Variants in CFAP47 observed in about 807,000 individuals in gnomAD.
CFAP47 encodes cilia and flagella associated protein 47, also known as cilia- and flagella-associated protein 47.
A neutral mutation model predicts 148.1 loss-of-function variants in CFAP47; 29 were observed. The ratio of observed to expected loss-of-function variants is 0.20; its 90% CI spans 0.15 to 0.27. The LOEUF (loss-of-function observed/expected upper bound fraction) is 0.27. Ranked by LOEUF, CFAP47 falls within the 10% of genes least tolerant of loss-of-function variation. CFAP47 has a pLI of 1.00. For missense variants in CFAP47, 1,872 were observed against 1,697.5 expected, an observed-to-expected ratio of 1.10 and a Z score of -1.81; for synonymous variants, 664 against 577.3, an observed-to-expected ratio of 1.15 and a Z score of -2.15.
intron 19 of CFAP47, among the ~76,000 whole-genome samples, chrX:35,997,897 A>G (rs967484982): frequency 4.5e-5 from 5 of 111,721 alleles, no homozygotes; most frequent in Admixed American, 9.5e-5. Flanking sequence ...TTGTGTAGAC[A>G]TACTATAATT....
intron 8 of CFAP47, among the ~76,000 whole-genome samples, chrX:35,960,492 T>G (rs1936315904): frequency 9.2e-6 from 1 of 108,603 alleles, no homozygotes; most frequent in African/African-American, 3.4e-5. Flanking sequence ...TTAAATCCTG[T>G]GATCCAGAAG....
chrX:36,034,942 A>T (rs1414783245), intron 23 of CFAP47, among the ~76,000 whole-genome samples: 1 of 110,728 alleles, frequency 9.0e-6, no homozygotes. Flanking sequence ...ACATAGACAC[A>T]TATACCTATA....
At chrX:36,159,304 T>C in intron 37 of CFAP47, 122 bp from the exon 38 acceptor site, 1 of 289,698 alleles carries the variant, frequency 3.5e-6, no homozygotes, top group South Asian at 2.3e-4. Context: ...TCTTGATAAC[T>C]GCAGCTGAAG....
chrX:36,184,763 C>G (rs1463391967), intron 40 of CFAP47, among the ~76,000 whole-genome samples: 4 of 110,903 alleles, frequency 3.6e-5, no homozygotes, highest in African/African-American at 1.3e-4. Context: ...GTGACGCCCT[C>G]TCTCTATTAA....
intron 21 of CFAP47, among the ~76,000 whole-genome samples, chrX:36,008,388 A>G (rs771681727): frequency 2.7e-5 from 3 of 111,091 alleles, no homozygotes; most frequent in Non-Finnish European, 3.8e-5. Flanking sequence ...AGCATTTCCT[A>G]TGAATCTTGC....
intron 1 of CFAP47, among the ~76,000 whole-genome samples, chrX:35,925,647 G>A (rs1935727001): frequency 8.9e-6 from 1 of 111,855 alleles, no homozygotes; most frequent in African/African-American, 3.2e-5. Flanking sequence ...AACTATAGTT[G>A]CTAACGTTAT....
At chrX:36,037,229 T>C (rs1937348439) in intron 24 of CFAP47, among the ~76,000 whole-genome samples, 1 of 111,889 alleles carries the variant, frequency 8.9e-6, no homozygotes, top group Non-Finnish European at 1.9e-5. Flanking sequence ...ACTGGACTGG[T>C]CCATCTAGAA....
At position 36,180,899 on chromosome X, in the gene CFAP47, G is replaced by A. The variant is rs775487072; in HGVS notation, c.6104+1477G>A. 4.5e-5 allele frequency among the ~76,000 whole-genome samples: 5 copies of A among 111,935 alleles called. No individual in the cohort carries two copies. In the East Asian group the frequency reaches 1.4e-3, roughly 31 times the overall value. ...TACCAAAAGAATAAGAGGATTGCAG[G>A]TATTTTATGTTAATTTCTTTGTAGA... is the stretch of plus-strand genomic sequence containing the variant. On this transcript the variant is annotated intron_variant, in intron 40 of 63. Transcript: ENST00000378653.
chrX:36,133,138 T>C (rs1938979114), intron 33 of CFAP47, among the ~76,000 whole-genome samples: 1 of 111,074 alleles, frequency 9.0e-6, no homozygotes, highest in African/African-American at 3.3e-5. Context: ...TAGTGAGAGA[T>C]CATGAAACTC....
intron 51 of CFAP47, among the ~76,000 whole-genome samples, chrX:36,287,316 GTTTGTACTGAT>G (rs1230135635): frequency 9.0e-6 from 1 of 111,037 alleles, no homozygotes; most frequent in East Asian, 2.8e-4. Context: ...TCCTAATTCA[GTTTGTACTGAT>G]TTCCTATAAG....
intron 42 of CFAP47, among the ~76,000 whole-genome samples, chrX:36,196,062 T>G (rs1373110061): frequency 1.8e-5 from 2 of 111,816 alleles, no homozygotes; most frequent in Non-Finnish European, 3.8e-5. Context: ...GTGTCAAAAT[T>G]TTGTTAAGAA....
chrX:36,323,436 G>T (rs782518167), intron 57 of CFAP47, among the ~76,000 whole-genome samples: 6 of 108,879 alleles, frequency 5.5e-5, no homozygotes, highest in Admixed American at 4.0e-4. Flanking sequence ...ATATACTTTT[G>T]TAAATGTTAT....
intron 31 of CFAP47, among the ~76,000 whole-genome samples, chrX:36,099,500 C>T (rs868581974): frequency 9.5e-6 from 1 of 105,413 alleles, no homozygotes; most frequent in Middle Eastern, 4.7e-3. Context: ...AGAAGAACTT[C>T]GTATCGTGTT....
intron 33 of CFAP47, among the ~76,000 whole-genome samples, chrX:36,108,207 A>G (rs1393258224): frequency 9.0e-6 from 1 of 110,951 alleles, no homozygotes; most frequent in Admixed American, 9.7e-5. Flanking sequence ...TCTTTCCTTC[A>G]TCACATTGAT....
chrX:36,211,595 A>C (rs1940101260), intron 45 of CFAP47: 1 of 264,122 alleles, frequency 3.8e-6, no homozygotes, highest in African/African-American at 3.1e-5. Context: ...ATATTGCTGC[A>C]TATCAAGCTA....
At chrX:36,121,386 C>G (rs1000689108) in intron 33 of CFAP47, among the ~76,000 whole-genome samples, 4 of 110,989 alleles carry the variant, frequency 3.6e-5, no homozygotes, top group African/African-American at 1.3e-4. Context: ...TAAGTAAGTA[C>G]TTACTCCTGC....
chrX:35,952,259 A>T (rs892124534), intron 6 of CFAP47, among the ~76,000 whole-genome samples: 1 of 111,931 alleles, frequency 8.9e-6, no homozygotes, highest in South Asian at 3.7e-4. Context: ...TTGTTTGTGC[A>T]GTCAAGACCT....
chrX:36,221,199 A>C (rs1022816447), intron 45 of CFAP47, among the ~76,000 whole-genome samples: 10 of 111,734 alleles, frequency 8.9e-5, no homozygotes, highest in Non-Finnish European at 1.5e-4. Flanking sequence ...AATAATGATA[A>C]GAATAAATAA....
chrX:36,117,322 A>C (rs1246276357), intron 33 of CFAP47, among the ~76,000 whole-genome samples: 1 of 111,365 alleles, frequency 9.0e-6, no homozygotes, highest in South Asian at 3.7e-4. Context: ...GTTTTAATGA[A>C]CTTCCAAACT....
Sources: gnomAD v4.1 joint callset for allele counts (sites outside exome capture counted in the v4.1 genomes callset) on GRCh38, gnomAD v4.1.1 for gene constraint, MANE v1.5 for transcripts, NCBI Gene and HGNC (gene_info 2026-07-23, HGNC 2026-07-21) for gene names.